The following MORC4 variants were observed in gnomAD, a reference collection of about 807,000 sequenced individuals.
The protein encoded by MORC4 is MORC family CW-type zinc finger 4.
Under a neutral mutation model 65.5 loss-of-function variants are expected in MORC4, and 22 were observed. That is an observed-to-expected ratio of 0.34 (90% CI 0.24 to 0.48). The LOEUF is 0.48. Among genes scored for constraint, MORC4 ranks in the 20% least tolerant of loss-of-function variants. The probability of loss-of-function intolerance (pLI) is 0.99; values close to 1 mark genes in which losing one functional copy is unlikely to be tolerated. For missense variants in MORC4, 624 were observed against 703.0 expected (o/e 0.89, Z 1.27); for synonymous variants, 267 against 255.8 (o/e 1.04, Z -0.42).
intron 6 of MORC4, 44 bp from the exon 7 acceptor site, chrX:106,981,063 C>A: frequency 8.4e-7 from 1 of 1,188,140 alleles, no homozygotes; most frequent in South Asian, 1.8e-5. Context: ...TGTGATATTG[C>A]CAATTCTGCT....
intron 5 of MORC4, among the ~76,000 whole-genome samples, chrX:106,982,395 GA>G (rs1934766172): frequency 1.8e-5 from 2 of 111,760 alleles, no homozygotes; most frequent in African/African-American, 6.5e-5. Context: ...CTGCTGTGTT[GA>G]AATTGTAGCT....
intron 16 of MORC4, 76 bp downstream of exon 16, chrX:106,941,862 C>T (rs1259089257): frequency 4.8e-6 from 5 of 1,040,389 alleles, no homozygotes; most frequent in Admixed American, 2.8e-5. Context: ...CCTTTGTCTA[C>T]GGCCAGTAAG....
At chrX:106,975,315 C>T in intron 9 of MORC4, among the ~76,000 whole-genome samples, 1 of 111,527 alleles carries the variant, frequency 9.0e-6, no homozygotes, top group Admixed American at 9.6e-5. Context: ...CCTAAGCTTT[C>T]ACTTAGAGTT....
At chrX:106,958,813 T>C (rs988310727) in intron 10 of MORC4, among the ~76,000 whole-genome samples, 16 of 111,745 alleles carry the variant, frequency 1.4e-4, no homozygotes, top group African/African-American at 4.9e-4. Flanking sequence ...AAGCAAACAA[T>C]AGGGTAATTT....
chrX:106,981,527 C>CA (rs371311307), intron 5 of MORC4, 50 bp from the exon 6 acceptor site: 5 of 1,026,713 alleles, frequency 4.9e-6, no homozygotes, highest in African/African-American at 2.1e-5. Context: ...CTCCAGAGGA[C>CA]AAAAAAATGC....
chrX:106,944,871 G>A (rs1933785257), intron 14 of MORC4, among the ~76,000 whole-genome samples: 1 of 111,212 alleles, frequency 9.0e-6, no homozygotes, highest in African/African-American at 3.3e-5. Context: ...TACTGCAATG[G>A]CTTCCTCCTG....
At chrX:106,982,039 C>T (rs1934755854) in intron 5 of MORC4, among the ~76,000 whole-genome samples, 1 of 111,901 alleles carries the variant, frequency 8.9e-6, no homozygotes, top group Non-Finnish European at 1.9e-5. Flanking sequence ...ACATTCCTTT[C>T]ATAAGGACCT....
In MORC4 at chrX:106,941,601, G is replaced by C; in HGVS notation, c.2692C>G (p.His898Asp). 8.3e-7 allele frequency: 1 copy of C among 1,210,584 alleles called. No individual in the cohort carries two copies. The highest frequency in any genetic ancestry group is 1.8e-5 in the South Asian group (1 of 56,876). ...ALAKLTRLRI[H>D]VSYLLTSVLP... ...ACAGAAGTAAGGAGATAGCTGACGTGGATACGTAGCCGCGTAAGCTTTGCC... is the reference window on the plus strand; with the variant it reads ...ACAGAAGTAAGGAGATAGCTGACGTCGATACGTAGCCGCGTAAGCTTTGCC... Residue 898 changes from histidine to aspartate, a missense_variant, in exon 17 of 17, where the codon CAC (histidine) becomes GAC (aspartate). By Grantham distance (81) the His-to-Asp change is moderately conservative. Transcript: ENST00000355610.
chrX:106,962,563 A>G (rs1315686803), intron 9 of MORC4, among the ~76,000 whole-genome samples: 1 of 112,014 alleles, frequency 8.9e-6, no homozygotes, highest in Non-Finnish European at 1.9e-5. Context: ...TACCCTATCT[A>G]TTATAAATCA....
At position 106,986,140 on chromosome X, in the gene MORC4, A is replaced by G. The variant is rs749306615; in HGVS notation, c.369T>C (p.Asn123=). The part of the protein sequence containing the change: ...KSQCPIGVFG[N]GFKSGSMRLG... The stretch of plus-strand genomic sequence containing the variant: ...GCCGCATGGAGCCTGACTTGAAACC[A>G]TTACCAAAGACCCCAATGGGACACT... The change falls in exon 4 of 17, where the codon AAT becomes AAC. Residue 123 remains asparagine, a synonymous_variant. Transcript: ENST00000355610. 9 of 1,211,320 alleles carry G rather than the reference A, an allele frequency of 7.4e-6. No individual in the cohort carries two copies. The highest frequency in any genetic ancestry group is 4.3e-5 in the Admixed American group (2 of 46,014).
intron 3 of MORC4, among the ~76,000 whole-genome samples, chrX:106,987,233 C>T (rs772250931): frequency 4.5e-5 from 5 of 111,134 alleles, no homozygotes; most frequent in Admixed American, 1.9e-4. Context: ...TCCAATGTTA[C>T]CAACATATAA....
intron 9 of MORC4, among the ~76,000 whole-genome samples, chrX:106,970,972 C>A (rs1411415496): frequency 9.0e-6 from 1 of 111,466 alleles, no homozygotes; most frequent in Non-Finnish European, 1.9e-5. Context: ...CTACTTTAAA[C>A]TTCATATGGA....
At position 106,982,531 on chromosome X, in the gene MORC4, A is replaced by G. The variant is rs373274344; in HGVS notation, c.675-1054T>C. Among the ~76,000 whole-genome samples, 163 of 111,586 alleles carry G rather than the reference A, an allele frequency of 1.5e-3. 2 individuals carry two copies. Among genetic ancestry groups the G allele is most frequent in the African/African-American group, 3.6e-3 (110 of 30,697 alleles). ...ATTCTCACTACCCCACCTGACCCCA[A>G]TGCATATGCCCTGAGGAGATTCTCT... On this transcript the variant is annotated intron_variant, in intron 5 of 16. Coordinates refer to ENST00000355610, the MANE Select transcript of MORC4 (RefSeq NM_024657.5).
intron 9 of MORC4, among the ~76,000 whole-genome samples, chrX:106,971,339 G>T (rs1332095001): frequency 1.8e-5 from 2 of 112,004 alleles, no homozygotes; most frequent in Non-Finnish European, 3.8e-5. Context: ...AGACTTAAAT[G>T]TAAGACCTAG....
At chrX:106,964,524 C>T (rs1934327976) in intron 9 of MORC4, among the ~76,000 whole-genome samples, 1 of 111,388 alleles carries the variant, frequency 9.0e-6, no homozygotes, top group South Asian at 3.8e-4. Context: ...TATAAACATC[C>T]AACCTTAACT....
intron 9 of MORC4, among the ~76,000 whole-genome samples, chrX:106,965,654 T>C (rs1030456066): frequency 3.6e-5 from 4 of 112,232 alleles, no homozygotes; most frequent in Admixed American, 1.9e-4. Flanking sequence ...TGCAAAAATT[T>C]TGAGAAGCTT....
rs1446151702 is a variant in MORC4, at chrX:106,985,206, T to C, written c.564A>G (p.Leu188=). ...AAATGGAATAGTTCAAGATGGCTTCTAGGCTGGGCAATGAATCCTCGGTAA... is the reference window on the plus strand; with the variant it reads ...AAATGGAATAGTTCAAGATGGCTTCCAGGCTGGGCAATGAATCCTCGGTAA... ...MIITEDSLPS[L]EAILNYSIFN... Residue 188 remains leucine (L), a synonymous_variant, in exon 5 of 17, where the codon CTA becomes CTG. Coordinates refer to ENST00000355610, the MANE Select transcript of MORC4 (RefSeq NM_024657.5). 2 of 1,181,608 alleles carry C rather than the reference T, an allele frequency of 1.7e-6. No homozygotes were observed. Among genetic ancestry groups the C allele is most frequent in the African/African-American group, 3.5e-5 (2 of 56,410 alleles).
intron 3 of MORC4, 134 bp from the exon 4 acceptor site, chrX:106,986,334 C>A: frequency 2.1e-6 from 1 of 483,645 alleles, no homozygotes; most frequent in Non-Finnish European, 3.4e-6. Context: ...CTTTTTTATT[C>A]CTTTTGGTAT....
Position 106,942,596 on chromosome X carries a change from G to T in MORC4, c.2295C>A (p.Asn765Lys), listed in dbSNP as rs758240772. The T allele has an allele frequency of 1.7e-5, 21 of 1,209,281 alleles. No individual in the cohort carries two copies. Among genetic ancestry groups the T allele is most frequent in the African/African-American group, 3.5e-5 (2 of 56,982 alleles). Residue 765 changes from asparagine (N) to lysine (K), a missense_variant, in exon 15 of 17, where the codon AAC becomes AAA. Coordinates refer to ENST00000355610, the MANE Select transcript of MORC4 (RefSeq NM_024657.5). The part of the protein sequence containing the change: ...SEGHNTPKLK[N>K]QRELEELKRT... ...TCTTCAATTCTTCCAGCTCTCTCTG[G>T]TTCTTCAACTTTGGTGTATTATGAC...
Sources: gnomAD v4.1 joint callset for allele counts (sites outside exome capture counted in the v4.1 genomes callset) on GRCh38, gnomAD v4.1.1 for gene constraint, MANE v1.5 for transcripts, NCBI Gene and HGNC (gene_info 2026-07-23, HGNC 2026-07-21) for gene names.